Variants in ZC3H11A observed in about 807,000 individuals in gnomAD.
ZC3H11A encodes the protein zinc finger CCCH domain-containing protein 11A.
Under a neutral mutation model 90.8 loss-of-function variants are expected in ZC3H11A, and 22 were observed. The observed-to-expected ratio is 0.24, with a 90% CI of 0.17 to 0.35. The LOEUF (loss-of-function observed/expected upper bound fraction) is 0.35, where lower values mean the gene tolerates loss of function less well. Among genes scored for constraint, ZC3H11A ranks in the 10% least tolerant of loss-of-function variants. The pLI, the probability that ZC3H11A is intolerant of heterozygous loss-of-function variation, is 1.00. For synonymous variants in ZC3H11A, 294 were observed against 339.8 expected (o/e 0.87, Z 1.48); for missense variants, 701 against 964.9 (o/e 0.73, Z 3.62).
At chr1:203,800,836 A>G (rs548231458) in intron 1 of ZC3H11A, 1 of 158,406 alleles carries the variant, frequency 6.3e-6, no homozygotes, top group East Asian at 1.8e-4. Flanking sequence ...CAACGAAATG[A>G]GAAAAAAGTA....
intron 1 of ZC3H11A, chr1:203,798,415 G>T: frequency 6.5e-7 from 1 of 1,534,010 alleles, no homozygotes; most frequent in Non-Finnish European, 8.7e-7. Flanking sequence ...GGTAGGCCAG[G>T]GTCCCACTTA....
intron 4 of ZC3H11A, among the ~76,000 whole-genome samples, chr1:203,827,604 C>A (rs1344246576): frequency 6.6e-6 from 1 of 151,800 alleles, no homozygotes; most frequent in Non-Finnish European, 1.5e-5. Flanking sequence ...ATGGCGTGAA[C>A]CCGGGAGGCG....
intron 4 of ZC3H11A, among the ~76,000 whole-genome samples, chr1:203,819,493 A>G (rs1010271435): frequency 2.8e-4 from 40 of 145,276 alleles, no homozygotes; most frequent in African/African-American, 9.4e-4. Flanking sequence ...AAGTGCTGGG[A>G]TTACATGCGT....
chr1:203,830,714 C>T (rs150405911), intron 8 of ZC3H11A, among the ~76,000 whole-genome samples: 2,954 of 151,936 alleles, frequency 0.019, 99 homozygotes, highest in African/African-American at 0.063. Context: ...GAGGCTGAGG[C>T]ATGAGAATTG....
At chr1:203,796,361 T>C (rs1668498433) in intron 1 of ZC3H11A, 3 of 398,730 alleles carry the variant, frequency 7.5e-6, no homozygotes, top group Non-Finnish European at 1.3e-5. Flanking sequence ...TCCGGTATCC[T>C]ACACCCATTC....
At chr1:203,797,713 GAA>G in intron 1 of ZC3H11A, 1 of 1,535,042 alleles carries the variant, frequency 6.5e-7, no homozygotes, top group Non-Finnish European at 8.7e-7. Flanking sequence ...AAAAAGAAAA[GAA>G]AGAAGGGTTT....
intron 1 of ZC3H11A, chr1:203,798,180 A>AG: frequency 1.3e-6 from 2 of 1,536,138 alleles, no homozygotes; most frequent in Non-Finnish European, 1.7e-6. Context: ...ATATATTCCT[A>AG]CTGATCCATT....
intron 1 of ZC3H11A, chr1:203,798,966 C>T: frequency 6.5e-7 from 1 of 1,536,092 alleles, no homozygotes; most frequent in South Asian, 1.2e-5. Context: ...AAAGATACAC[C>T]TGACTGTTGA....
At chr1:203,840,878 C>A (rs1406971997) in intron 12 of ZC3H11A, among the ~76,000 whole-genome samples, 2 of 152,122 alleles carry the variant, frequency 1.3e-5, no homozygotes, top group East Asian at 3.9e-4. Context: ...AGGTGATCCA[C>A]CTGCCTCAGC....
Position 203,853,618 on chromosome 1 carries a change from T to C in ZC3H11A, c.*1219T>C, listed in dbSNP as rs1241895388. On this transcript the variant is annotated 3_prime_UTR_variant, in exon 18 of 18. Transcript: ENST00000367210. ...GATATTTTGCTGTAGGTGGCCAGTTTTGTTTCTCATAGGGAAATCTGACCC... is the reference window on the plus strand; with the variant it reads ...GATATTTTGCTGTAGGTGGCCAGTTCTGTTTCTCATAGGGAAATCTGACCC... The C allele has an allele frequency of 4.6e-5, 7 of 152,666 alleles. No homozygotes were observed. The highest frequency in any genetic ancestry group is 4.6e-4 in the Admixed American group (7 of 15,280). The allele number at this position is 152,666 out of a possible 1,614,324, so 9.5% of individuals were successfully genotyped here. A position where few individuals can be genotyped will look rare whatever the true frequency, so the allele number is the denominator to read the frequency against.
chr1:203,843,629 T>C (rs1324472547), intron 12 of ZC3H11A, among the ~76,000 whole-genome samples: 1 of 152,218 alleles, frequency 6.6e-6, no homozygotes, highest in Admixed American at 6.5e-5. Context: ...GTATGCAATA[T>C]GTAAATGAAT....
At chr1:203,799,824 A>G (rs1269102848) in intron 1 of ZC3H11A, 1 of 1,467,080 alleles carries the variant, frequency 6.8e-7, no homozygotes, top group Non-Finnish European at 9.2e-7. Flanking sequence ...TATCTTGGCT[A>G]CTTTGTTAGA....
intron 4 of ZC3H11A, among the ~76,000 whole-genome samples, chr1:203,819,176 G>GTATA (rs199790996): frequency 3.4e-5 from 5 of 148,030 alleles, no homozygotes; most frequent in Non-Finnish European, 7.4e-5. Flanking sequence ...ATATGTGTGT[G>GTATA]TATATATATA....
chr1:203,852,209 C>T lies in ZC3H11A; in HGVS notation c.2243C>T (p.Ser748Phe). The change falls in exon 18 of 18, where the codon TCC becomes TTC. Residue 748 changes from serine to phenylalanine, a missense_variant. This residue lies in a region of ZC3H11A where 91 missense variants were observed against 86.8 expected (regional missense o/e 1.05). Coordinates refer to ENST00000367210, the MANE Select transcript of ZC3H11A (RefSeq NM_001376342.1). Reference protein sequence around the residue: ...SPPEVSGPSSSQMSMKTRRLS... With the variant: ...SPPEVSGPSSFQMSMKTRRLS... ...CCGGAGGTGTCTGGCCCTTCCTCATCCCAAATGAGCATGAAAACTCGCCGA... is the reference window on the plus strand; with the variant it reads ...CCGGAGGTGTCTGGCCCTTCCTCATTCCAAATGAGCATGAAAACTCGCCGA... The T allele has an allele frequency of 6.2e-7, 1 of 1,613,548 alleles. No individual in the cohort carries two copies. Among genetic ancestry groups the T allele is most frequent in the Non-Finnish European group, 8.5e-7 (1 of 1,179,792 alleles).
intron 10 of ZC3H11A, among the ~76,000 whole-genome samples, chr1:203,836,415 A>G (rs1208492063): frequency 6.6e-6 from 1 of 152,162 alleles, no homozygotes; most frequent in Non-Finnish European, 1.5e-5. Context: ...AACCGTTTTT[A>G]AAAACTGGTG....
intron 2 of ZC3H11A, among the ~76,000 whole-genome samples, chr1:203,812,451 G>A (rs1224318594): frequency 1.3e-5 from 2 of 151,962 alleles, no homozygotes; most frequent in African/African-American, 2.4e-5. Context: ...CAAAGGACAT[G>A]ATTTTGTTCC....
intron 10 of ZC3H11A, among the ~76,000 whole-genome samples, chr1:203,834,781 C>G (rs1001381705): frequency 6.6e-6 from 1 of 152,156 alleles, no homozygotes; most frequent in Admixed American, 6.5e-5. Flanking sequence ...TCTCAAGTAG[C>G]TGGGATTACA....
At chr1:203,828,220 T>C in intron 4 of ZC3H11A, 79 bp from the exon 5 acceptor site, 3 of 1,565,994 alleles carry the variant, frequency 1.9e-6, no homozygotes, top group Non-Finnish European at 2.6e-6. Context: ...CTGTATGAAC[T>C]TTGTCTAGAA....
chr1:203,798,293 T>C, intron 1 of ZC3H11A: 1 of 1,536,136 alleles, frequency 6.5e-7, no homozygotes. Context: ...TCAAGCATGC[T>C]TTAATTCCTG....
Sources: allele counts gnomAD v4.1 joint callset (sites outside exome capture counted in the v4.1 genomes callset), GRCh38; gene constraint gnomAD v4.1.1; regional missense constraint gnomAD v4.1.1; transcripts MANE v1.5; gene names NCBI Gene and HGNC (gene_info 2026-07-23, HGNC 2026-07-21).